ANO2: variants seen among roughly 807,000 people sequenced by gnomAD.
ANO2 encodes anoctamin 2, also known as anoctamin-2.
A neutral mutation model predicts 124.2 loss-of-function variants in ANO2; 101 were observed. That is an observed-to-expected ratio of 0.81 (90% CI 0.69 to 0.96). ANO2 has a LOEUF of 0.96. Among genes scored for constraint, ANO2 ranks in the 40% least tolerant of loss-of-function variants. The pLI is 0.00. For missense variants in ANO2, 1,293 were observed against 1,274.5 expected (o/e 1.01, Z -0.22); for synonymous variants, 486 against 482.5 (o/e 1.01, Z -0.09).
intron 20 of ANO2, among the ~76,000 whole-genome samples, chr12:5,585,013 T>C (rs746442168): frequency 3.3e-5 from 5 of 151,996 alleles, no homozygotes; most frequent in Non-Finnish European, 7.4e-5. Context: ...GTGGGGAAGA[T>C]GGACATGGAA....
rs1942442552 is a variant in ANO2, at chr12:5,576,879, C to T, written c.2440-864G>A. On this transcript the variant is annotated intron_variant, in intron 22 of 24. Transcript: ENST00000682330. Reference sequence around the variant, plus strand: ...ATTTGAGAGTGAATAACATCATAATCATAGCTACAACTTACTGGGCACTTG... The same window carrying T: ...ATTTGAGAGTGAATAACATCATAATTATAGCTACAACTTACTGGGCACTTG... Among the ~76,000 whole-genome samples the T allele has an allele frequency of 2.6e-5, 4 of 152,234 alleles. No homozygotes were observed. The South Asian group carries it at 8.3e-4, about 31-fold the overall frequency.
rs190244914 is a variant in ANO2 at position 5,900,676 on chromosome 12, G to C, written c.534+20364C>G. On this transcript the variant is annotated intron_variant, in intron 3 of 24. Coordinates refer to ENST00000682330, the MANE Select transcript of ANO2 (RefSeq NM_001364791.2). This position sits in a 1 kb window ranked among gnomAD's most constrained non-coding sequence, Gnocchi z 4.2. ...GTGTGGTCCCTGCCATCCTGGCACA[G>C]CCTGACCACAATCCCCTTCCCCATG... Among the ~76,000 whole-genome samples, 12 of 152,050 alleles carry C rather than the reference G, an allele frequency of 7.9e-5. No homozygotes were observed. Among genetic ancestry groups the C allele is most frequent in the Non-Finnish European group, 1.5e-4 (10 of 68,014 alleles).
intron 20 of ANO2, among the ~76,000 whole-genome samples, chr12:5,589,760 A>C (rs1943302910): frequency 6.6e-6 from 1 of 152,154 alleles, no homozygotes; most frequent in African/African-American, 2.4e-5. Flanking sequence ...ACGCATGAGA[A>C]GGCGCAGGCA....
intron 12 of ANO2, 65 bp downstream of exon 12, chr12:5,744,092 A>G (rs1018141356): frequency 2.5e-6 from 4 of 1,591,968 alleles, no homozygotes. Flanking sequence ...TGAGCTTTAC[A>G]GCTTGGTCAC....
At chr12:5,928,111 T>C (rs536129691) in intron 1 of ANO2, among the ~76,000 whole-genome samples, 1 of 152,180 alleles carries the variant, frequency 6.6e-6, no homozygotes, top group Non-Finnish European at 1.5e-5. Flanking sequence ...AGCAGGGACC[T>C]AGGCAACTTC....
intron 9 of ANO2, among the ~76,000 whole-genome samples, chr12:5,803,032 C>T (rs1014657387): frequency 6.6e-6 from 1 of 152,214 alleles, no homozygotes; most frequent in African/African-American, 2.4e-5. Flanking sequence ...TGCAACAACC[C>T]TTTGCAATGC....
Position 5,834,176 on chromosome 12 carries a change from C to CA in ANO2, c.634-1574dup, listed in dbSNP as rs1374075089. ...GCCCAGCTCTGCCCAAGTTCCTGAA[C>CA]AAAAAATCATGAGATAAAATGAAAT... On this transcript the variant is annotated intron_variant, in intron 4 of 24. Coordinates refer to ENST00000682330, the MANE Select transcript of ANO2 (RefSeq NM_001364791.2). 2.0e-5 allele frequency among the ~76,000 whole-genome samples: 3 copies of CA among 152,228 alleles called. No homozygotes were observed. The East Asian group carries it at 5.8e-4, about 29-fold the overall frequency.
At chr12:5,722,380 G>A (rs893172277) in intron 14 of ANO2, among the ~76,000 whole-genome samples, 8 of 152,206 alleles carry the variant, frequency 5.3e-5, no homozygotes, top group South Asian at 2.1e-4. Flanking sequence ...AGTGGCGGGC[G>A]CCTGTAGTCC....
intron 1 of ANO2, among the ~76,000 whole-genome samples, chr12:5,938,209 C>T (rs1373739778): frequency 2.0e-5 from 3 of 152,166 alleles, no homozygotes; most frequent in African/African-American, 7.2e-5. Context: ...CATTTCCAGG[C>T]ATTTTGCTGC....
chr12:5,574,793 A>C (rs1942310044), intron 23 of ANO2, among the ~76,000 whole-genome samples: 1 of 152,156 alleles, frequency 6.6e-6, no homozygotes, highest in African/African-American at 2.4e-5. Context: ...TTATCCTATC[A>C]TTCCCTGACA....
intron 23 of ANO2, among the ~76,000 whole-genome samples, chr12:5,569,914 T>C (rs142451647): frequency 6.6e-6 from 1 of 152,198 alleles, no homozygotes; most frequent in Non-Finnish European, 1.5e-5. Flanking sequence ...ATACACAATA[T>C]GTGTCTATGA....
intron 1 of ANO2, among the ~76,000 whole-genome samples, chr12:5,927,527 G>T (rs1296026313): frequency 6.6e-6 from 1 of 152,166 alleles, no homozygotes; most frequent in Non-Finnish European, 1.5e-5. Flanking sequence ...CCTGCCCAAA[G>T]CCCCTCCCCA....
At chr12:5,589,885 G>A (rs967171532) in intron 20 of ANO2, among the ~76,000 whole-genome samples, 8 of 152,082 alleles carry the variant, frequency 5.3e-5, no homozygotes, top group African/African-American at 1.4e-4. Context: ...TTAAATAAAC[G>A]AGAAGGATGC....
rs1943999903 is a variant in ANO2, at chr12:5,602,677, T to C, written c.2088-3048A>G. Among the ~76,000 whole-genome samples the C allele has an allele frequency of 4.6e-5, 7 of 152,044 alleles. 1 individual carries two copies. In the South Asian group the frequency reaches 1.5e-3, roughly 32 times the overall value. On this transcript the variant is annotated intron_variant, in intron 19 of 24. Coordinates refer to ENST00000682330, the MANE Select transcript of ANO2 (RefSeq NM_001364791.2). ...GCATTTTCTGATTGGAAGGACCCACTCAGCATAATGGTGAAAAAAAAGCCT... is the reference window on the plus strand; with the variant it reads ...GCATTTTCTGATTGGAAGGACCCACCCAGCATAATGGTGAAAAAAAAGCCT...
At chr12:5,727,550 G>C (rs12310240) in intron 14 of ANO2, among the ~76,000 whole-genome samples, 2,887 of 146,652 alleles carry the variant, frequency 0.02, 85 homozygotes, top group African/African-American at 0.063. Flanking sequence ...GCTAACATGA[G>C]ACTTACAGTG....
At chr12:5,666,138 T>C (rs1446468374) in intron 14 of ANO2, among the ~76,000 whole-genome samples, 2 of 152,120 alleles carry the variant, frequency 1.3e-5, no homozygotes, top group East Asian at 1.9e-4. Context: ...TAGGTTTTGA[T>C]TGTCTTCTGA....
intron 1 of ANO2, among the ~76,000 whole-genome samples, chr12:5,942,912 A>T (rs1942950271): frequency 6.6e-6 from 1 of 152,260 alleles, no homozygotes; most frequent in Non-Finnish European, 1.5e-5. Flanking sequence ...ACAATGAGAT[A>T]ACCCACCTTA....
intron 19 of ANO2, 138 bp from the exon 20 acceptor site, chr12:5,599,767 A>C (rs1034368366): frequency 4.3e-6 from 4 of 932,606 alleles, no homozygotes; most frequent in Non-Finnish European, 4.8e-6. Context: ...ATAGAGAGAC[A>C]CTAAAGAGAC....
chr12:5,599,666 G>A, intron 19 of ANO2, 37 bp from the exon 20 acceptor site: 1 of 1,608,524 alleles, frequency 6.2e-7, no homozygotes, highest in Non-Finnish European at 8.5e-7. Context: ...AAAAGCCTCT[G>A]GAGAACAGGG....
Sources: allele counts gnomAD v4.1 joint callset (sites outside exome capture counted in the v4.1 genomes callset), GRCh38; gene constraint gnomAD v4.1.1; non-coding constraint Gnocchi (gnomAD v3.1); transcripts MANE v1.5; gene names NCBI Gene and HGNC (gene_info 2026-07-23, HGNC 2026-07-21).